THBD: variants seen among roughly 807,000 people sequenced by gnomAD.
THBD encodes the protein CD141 antigen.
For synonymous variants in THBD, 449 were observed against 374.2 expected (o/e 1.20, Z -2.31); for missense variants, 850 against 816.9 (o/e 1.04, Z -0.49).
Position 23,049,648 on chromosome 20 carries a change from G to A in THBD, c.-144C>T. ...CAGACACTTCTTGCCGCTGCGCGCA[G>A]CCCCTGCGAGGCAGCCTCTGACATG... On this transcript the variant is annotated 5_prime_UTR_variant, in exon 1 of 1. Transcript: ENST00000377103. 1.7e-6 allele frequency: 2 copies of A among 1,150,142 alleles called. No homozygotes were observed. The highest frequency in any genetic ancestry group is 2.1e-5 in the Admixed American group (1 of 47,368). 71.2% of individuals were successfully genotyped at this position (1,150,142 alleles called of 1,614,324 possible).
At position 23,048,554 on chromosome 20, in the gene THBD, C is replaced by T; in HGVS notation, c.951G>A (p.Ala317=). The change falls in exon 1 of 1, where the codon GCG becomes GCA. Residue 317 remains alanine (A), a synonymous_variant. Coordinates refer to ENST00000377103, the MANE Select transcript of THBD (RefSeq NM_000361.3). ...SCMCETGYRL[A]ADQHRCEDVD... is the part of the protein sequence containing the mutation. ...CGTCCTCGCACCGGTGTTGGTCGGC[C>T]GCCAGCCGGTAGCCGGTCTCGCACA... The T allele has an allele frequency of 2.5e-6, 4 of 1,599,222 alleles. No individual in the cohort carries two copies. The highest frequency in any genetic ancestry group is 1.3e-5 in the African/African-American group (1 of 75,054).
In THBD at chr20:23,048,344, G is replaced by A; in HGVS notation, c.1161C>T (p.Leu387=). The A allele has an allele frequency of 6.2e-7, 1 of 1,613,938 alleles. No homozygotes were observed. The highest frequency in any genetic ancestry group is 8.5e-7 in the Non-Finnish European group (1 of 1,180,026). ...GCGCGAAGCCCTCGGCGCAGACGCAGAGGTAGCTAGTTTGGTTCAGGGGCT... is the reference window on the plus strand; with the variant it reads ...GCGCGAAGCCCTCGGCGCAGACGCAAAGGTAGCTAGTTTGGTTCAGGGGCT... ...QCQPLNQTSY[L]CVCAEGFAPI... Residue 387 remains leucine (L), a synonymous_variant, in exon 1 of 1, where the codon CTC becomes CTT. Transcript: ENST00000377103.
At position 23,049,160 on chromosome 20, in the gene THBD, G is replaced by T; in HGVS notation, c.345C>A (p.Asn115Lys). The change falls in exon 1 of 1, where the codon AAC (asparagine) becomes AAA (lysine). Residue 115 changes from asparagine (N) to lysine (K), a missense_variant. Asn to Lys is a moderately conservative substitution (Grantham distance 94). Coordinates refer to ENST00000377103, the MANE Select transcript of THBD (RefSeq NM_000361.3). ...GTGCCCACCTGCTATAGCTGGTGTT[G>T]TTGTCTCCCGTAACCCACTGGAAGC... ...LRGFQWVTGD[N>K]NTSYSRWARL... 1 of 1,583,268 alleles carries T rather than the reference G, an allele frequency of 6.3e-7. No homozygotes were observed.
rs536111902 is a variant in THBD, at chr20:23,048,374, C to G, written c.1131G>C (p.Gln377His). ...AGCTAGTTTGGTTCAGGGGCTGGCA[C>G]TGGTACTCGCAGTTGGCTCTGAAGC... Reference protein sequence around the residue: ...DPCFRANCEYQCQPLNQTSYL... With the variant: ...DPCFRANCEYHCQPLNQTSYL... Residue 377 changes from glutamine to histidine, a missense_variant, in exon 1 of 1, where the codon CAG (glutamine) becomes CAC (histidine). Coordinates refer to ENST00000377103, the MANE Select transcript of THBD (RefSeq NM_000361.3). 1 of 1,613,998 alleles carries G rather than the reference C, an allele frequency of 6.2e-7. No individual in the cohort carries two copies. Among genetic ancestry groups the G allele is most frequent in the South Asian group, 1.1e-5 (1 of 91,080 alleles).
At position 23,048,679 on chromosome 20, in the gene THBD, C is replaced by G. The variant is rs762622409; in HGVS notation, c.826G>C (p.Asp276His). 1 of 1,588,430 alleles carries G rather than the reference C, an allele frequency of 6.3e-7. No individual in the cohort carries two copies. Among genetic ancestry groups the G allele is most frequent in the East Asian group, 2.3e-5 (1 of 44,358 alleles). ...GCGGATGCGGTGCAGGAGCGCCCGT[C>G]TGCCTGCAGGGCGGCGCCGGCTGGG... ...QCPAGAALQADGRSCTASATQ... is the reference protein window; with the variant it reads ...QCPAGAALQAHGRSCTASATQ... Residue 276 changes from aspartate (D) to histidine (H), a missense_variant, in exon 1 of 1, where the codon GAC becomes CAC. By Grantham distance (81) the Asp-to-His change is moderately conservative (BLOSUM62 -1). Transcript: ENST00000377103.
In THBD at chr20:23,047,925, C is replaced by T; in HGVS notation, c.1580G>A (p.Cys527Tyr). ...GAGCGCCAAAAGCGCCACCACCAGGCACAGGCTCGCGATGGAGATGCCTAT... is the reference window on the plus strand; with the variant it reads ...GAGCGCCAAAAGCGCCACCACCAGGTACAGGCTCGCGATGGAGATGCCTAT... ...LLIGISIASLCLVVALLALLC... is the reference protein window; with the variant it reads ...LLIGISIASLYLVVALLALLC... Residue 527 changes from cysteine to tyrosine, a missense_variant, in exon 1 of 1, where the codon TGC becomes TAC. Coordinates refer to ENST00000377103, the MANE Select transcript of THBD (RefSeq NM_000361.3). 6.2e-7 allele frequency: 1 copy of T among 1,609,808 alleles called. No homozygotes were observed. Among genetic ancestry groups the T allele is most frequent in the Non-Finnish European group, 8.5e-7 (1 of 1,178,480 alleles).
chr20:23,046,319 C>A lies in THBD; in HGVS notation c.*1458G>T, dbSNP rs1354815966. The A allele has an allele frequency of 6.6e-6, 1 of 152,340 alleles. No individual in the cohort carries two copies. The highest frequency in any genetic ancestry group is 1.5e-5 in the Non-Finnish European group (1 of 68,032). The allele number at this position is 152,340 out of a possible 1,614,324, so 9.4% of individuals were successfully genotyped here. On this transcript the variant is annotated 3_prime_UTR_variant, in exon 1 of 1. Transcript: ENST00000377103. ...TTCCTCAGTTTCTTGAAAATAAGGGCCTGACTTGGCCTGCTACTTATAACT... is the reference window on the plus strand; with the variant it reads ...TTCCTCAGTTTCTTGAAAATAAGGGACTGACTTGGCCTGCTACTTATAACT...
chr20:23,048,047 G>T lies in THBD; in HGVS notation c.1458C>A (p.Asp486Glu). ...GCTCGCCAGAGCCGCTGTCGCCACC[G>T]TCCACCTTGCCGGAGTCACAGTCGG... ...IGTDCDSGKV[D>E]GGDSGSGEPP... The change falls in exon 1 of 1, where the codon GAC (aspartate) becomes GAA (glutamate). Residue 486 changes from aspartate (D) to glutamate (E), a missense_variant. Transcript: ENST00000377103. 1.2e-6 allele frequency: 2 copies of T among 1,612,140 alleles called. No homozygotes were observed. Among genetic ancestry groups the T allele is most frequent in the South Asian group, 2.2e-5 (2 of 90,912 alleles).
chr20:23,046,760 G>A lies in THBD; in HGVS notation c.*1017C>T, dbSNP rs1329705133. On this transcript the variant is annotated 3_prime_UTR_variant, in exon 1 of 1. Transcript: ENST00000377103. ...GCTTTCTTGAACTGTCTCCTGGGAG[G>A]TGTTTGTCTCTTCTCTCAATCTAGA... The A allele has an allele frequency of 1.3e-5, 2 of 152,210 alleles. No homozygotes were observed. Among genetic ancestry groups the A allele is most frequent in the Non-Finnish European group, 2.9e-5 (2 of 68,038 alleles). 9.4% of individuals were successfully genotyped at this position (152,210 alleles called of 1,614,324 possible). A position where few individuals can be genotyped will look rare whatever the true frequency, so the allele number is the denominator to read the frequency against.
At position 23,048,551 on chromosome 20, in the gene THBD, G is replaced by A. The variant is rs754792536; in HGVS notation, c.954C>T (p.Ala318=). ...CMCETGYRLA[A]DQHRCEDVDD... ...CCACGTCCTCGCACCGGTGTTGGTC[G>A]GCCGCCAGCCGGTAGCCGGTCTCGC... The change falls in exon 1 of 1, where the codon GCC becomes GCT. Residue 318 remains alanine, a synonymous_variant. Coordinates refer to ENST00000377103, the MANE Select transcript of THBD (RefSeq NM_000361.3). 1.1e-5 allele frequency: 18 copies of A among 1,599,034 alleles called. No homozygotes were observed. In the East Asian group the frequency reaches 3.8e-4, roughly 34 times the overall value.
chr20:23,048,917 C>T lies in THBD; in HGVS notation c.588G>A (p.Pro196=). 2.6e-6 allele frequency: 4 copies of T among 1,526,928 alleles called. No individual in the cohort carries two copies. The highest frequency in any genetic ancestry group is 3.5e-6 in the Non-Finnish European group (4 of 1,139,616). The allele number at this position is 1,526,928 out of a possible 1,614,324, so 94.6% of individuals were successfully genotyped here. Residue 196 remains proline, a synonymous_variant, in exon 1 of 1, where the codon CCG becomes CCA. Coordinates refer to ENST00000377103, the MANE Select transcript of THBD (RefSeq NM_000361.3). ...AAAVSITYGT[P]FAARGADFQA... The stretch of plus-strand genomic sequence containing the variant: ...GGAAGTCCGCTCCGCGGGCCGCGAA[C>T]GGGGTGCCGTAGGTGATCGAGACGG...
chr20:23,046,752 C>T lies in THBD; in HGVS notation c.*1025G>A, dbSNP rs1984581568. On this transcript the variant is annotated 3_prime_UTR_variant, in exon 1 of 1. Coordinates refer to ENST00000377103, the MANE Select transcript of THBD (RefSeq NM_000361.3). Reference sequence around the variant, plus strand: ...AGTTTGAAGCTTTCTTGAACTGTCTCCTGGGAGGTGTTTGTCTCTTCTCTC... The same window carrying T: ...AGTTTGAAGCTTTCTTGAACTGTCTTCTGGGAGGTGTTTGTCTCTTCTCTC... The T allele has an allele frequency of 6.6e-6, 1 of 152,232 alleles. No individual in the cohort carries two copies. Among genetic ancestry groups the T allele is most frequent in the Non-Finnish European group, 1.5e-5 (1 of 68,046 alleles). The allele number at this position is 152,232 out of a possible 1,614,324, so 9.4% of individuals were successfully genotyped here. A position where few individuals can be genotyped will look rare whatever the true frequency, so the allele number is the denominator to read the frequency against.
chr20:23,047,886 C>G lies in THBD; in HGVS notation c.1619G>C (p.Arg540Pro). The G allele has an allele frequency of 6.2e-7, 1 of 1,605,476 alleles. No homozygotes were observed. Among genetic ancestry groups the G allele is most frequent in the Non-Finnish European group, 8.5e-7 (1 of 1,176,392 alleles). ...GGCCCTGGCGGCGCCCTGCTTCTTGCGCAGGTGGCAGAGGAGCGCCAAAAG... is the reference window on the plus strand; with the variant it reads ...GGCCCTGGCGGCGCCCTGCTTCTTGGGCAGGTGGCAGAGGAGCGCCAAAAG... ...VALLALLCHL[R>P]KKQGAARAKM... Residue 540 changes from arginine to proline, a missense_variant, in exon 1 of 1, where the codon CGC becomes CCC. Coordinates refer to ENST00000377103, the MANE Select transcript of THBD (RefSeq NM_000361.3).
Position 23,047,656 on chromosome 20 carries a change from CT to C in THBD, c.*120del. The C allele has an allele frequency of 2.4e-6, 3 of 1,242,292 alleles. No individual in the cohort carries two copies. The highest frequency in any genetic ancestry group is 3.3e-6 in the Non-Finnish European group (3 of 909,792). 77.0% of individuals were successfully genotyped at this position (1,242,292 alleles called of 1,614,324 possible). ...TTAGCCATGGAATAGAAGAAAACAG[CT>C]TGGGGGGTGCGGGGAGGGTCTTCTC... On this transcript the variant is annotated 3_prime_UTR_variant, in exon 1 of 1. Transcript: ENST00000377103.
chr20:23,048,366 G>A lies in THBD; in HGVS notation c.1139C>T (p.Pro380Leu). The change falls in exon 1 of 1, where the codon CCC becomes CTC. Residue 380 changes from proline (P) to leucine (L), a missense_variant. By Grantham distance (98) the Pro-to-Leu change is moderately conservative. Transcript: ENST00000377103. ...GCAGAGGTAGCTAGTTTGGTTCAGG[G>A]GCTGGCACTGGTACTCGCAGTTGGC... ...FRANCEYQCQ[P>L]LNQTSYLCVC... 2 of 1,613,992 alleles carry A rather than the reference G, an allele frequency of 1.2e-6. No individual in the cohort carries two copies. The highest frequency in any genetic ancestry group is 1.7e-6 in the Non-Finnish European group (2 of 1,180,024).
At position 23,049,396 on chromosome 20, in the gene THBD, C is replaced by A. The variant is rs1375939096; in HGVS notation, c.109G>T (p.Ala37Ser). 4 of 1,596,478 alleles carry A rather than the reference C, an allele frequency of 2.5e-6. No individual in the cohort carries two copies. The highest frequency in any genetic ancestry group is 3.4e-6 in the Non-Finnish European group (4 of 1,172,632). ...AAGGTCGCGGGGCCCGGGTAGAGCG[C>A]GAAGCAGTCGTGCTCGACGCACTGG... ...GSQCVEHDCFALYPGPATFLN... is the reference protein window; with the variant it reads ...GSQCVEHDCFSLYPGPATFLN... Residue 37 changes from alanine to serine, a missense_variant, in exon 1 of 1, where the codon GCG (alanine) becomes TCG (serine). Coordinates refer to ENST00000377103, the MANE Select transcript of THBD (RefSeq NM_000361.3).
rs1365036377 is a variant in THBD, at chr20:23,048,918, G to C, written c.587C>G (p.Pro196Arg). ...AAAVSITYGT[P>R]FAARGADFQA... ...GAAGTCCGCTCCGCGGGCCGCGAAC[G>C]GGGTGCCGTAGGTGATCGAGACGGC... The change falls in exon 1 of 1, where the codon CCG (proline) becomes CGG (arginine). Residue 196 changes from proline to arginine, a missense_variant. Coordinates refer to ENST00000377103, the MANE Select transcript of THBD (RefSeq NM_000361.3). 3 of 1,527,920 alleles carry C rather than the reference G, an allele frequency of 2.0e-6. No individual in the cohort carries two copies. The highest frequency in any genetic ancestry group is 4.0e-5 in the Admixed American group (2 of 50,202). The allele number at this position is 1,527,920 out of a possible 1,614,324, so 94.6% of individuals were successfully genotyped here.
In THBD at chr20:23,049,173, A is replaced by G; in HGVS notation, c.332T>C (p.Val111Ala). The change falls in exon 1 of 1, where the codon GTT becomes GCT. Residue 111 changes from valine to alanine, a missense_variant. Val to Ala is a moderately conservative substitution (Grantham distance 64). Coordinates refer to ENST00000377103, the MANE Select transcript of THBD (RefSeq NM_000361.3). The part of the protein sequence containing the change: ...RLGPLRGFQW[V>A]TGDNNTSYSR... Reference sequence around the variant, plus strand: ...ATAGCTGGTGTTGTTGTCTCCCGTAACCCACTGGAAGCCGCGCAGGGGCCC... The same window carrying G: ...ATAGCTGGTGTTGTTGTCTCCCGTAGCCCACTGGAAGCCGCGCAGGGGCCC... 1 of 1,577,848 alleles carries G rather than the reference A, an allele frequency of 6.3e-7. No individual in the cohort carries two copies. The highest frequency in any genetic ancestry group is 8.6e-7 in the Non-Finnish European group (1 of 1,162,034).
rs1393240082 is a variant in THBD at position 23,047,890 on chromosome 20, G to C, written c.1615C>G (p.Leu539Val). 1.9e-6 allele frequency: 3 copies of C among 1,606,520 alleles called. No homozygotes were observed. The highest frequency in any genetic ancestry group is 2.5e-6 in the Non-Finnish European group (3 of 1,176,866). Residue 539 changes from leucine (L) to valine (V), a missense_variant, in exon 1 of 1, where the codon CTG becomes GTG. By Grantham distance (32) the Leu-to-Val change is conservative (BLOSUM62 1). Transcript: ENST00000377103. The part of the protein sequence containing the change: ...VVALLALLCH[L>V]RKKQGAARAK... ...CTGGCGGCGCCCTGCTTCTTGCGCAGGTGGCAGAGGAGCGCCAAAAGCGCC... is the reference window on the plus strand; with the variant it reads ...CTGGCGGCGCCCTGCTTCTTGCGCACGTGGCAGAGGAGCGCCAAAAGCGCC...
Sources: allele counts gnomAD v4.1 joint callset, GRCh38; gene constraint gnomAD v4.1.1; transcripts MANE v1.5; gene names NCBI Gene and HGNC (gene_info 2026-07-23, HGNC 2026-07-21).